Variants in IQCH observed in about 807,000 individuals in gnomAD.
IQCH encodes the protein IQ motif containing H, also known as IQ domain-containing protein H.
IQCH carries 98 observed loss-of-function variants against 117.0 expected under a neutral mutation model. The observed-to-expected ratio is 0.84, with a 90% CI of 0.71 to 0.99. The LOEUF (loss-of-function observed/expected upper bound fraction) is 0.99. IQCH is among the 50% of genes least tolerant of loss of function. The pLI, the probability that IQCH is intolerant of heterozygous loss-of-function variation, is 0.00. For synonymous variants in IQCH, 412 were observed against 448.2 expected, an observed-to-expected ratio of 0.92 and a Z score of 1.02; for missense variants, 1,102 against 1,243.8, an observed-to-expected ratio of 0.89 and a Z score of 1.72.
chr15:67,377,013 A>G (rs1970757844), intron 10 of IQCH, among the ~76,000 whole-genome samples: 1 of 151,524 alleles, frequency 6.6e-6, no homozygotes, highest in South Asian at 2.1e-4. Context: ...GCTACTCAGG[A>G]GGCTGAAGCA....
intron 4 of IQCH, among the ~76,000 whole-genome samples, chr15:67,336,304 A>G (rs1968889003): frequency 6.6e-6 from 1 of 152,160 alleles, no homozygotes; most frequent in Admixed American, 6.5e-5. Flanking sequence ...ATAAACTCCT[A>G]CGATAAAGGT....
At chr15:67,377,945 A>C (rs191296780) in intron 10 of IQCH, among the ~76,000 whole-genome samples, 157 of 152,244 alleles carry the variant, frequency 1.0e-3, no homozygotes, top group Non-Finnish European at 1.1e-3. Flanking sequence ...TTCTTTCCAT[A>C]AAAATTATGG....
chr15:67,368,536 A>G (rs1970413163), intron 8 of IQCH, among the ~76,000 whole-genome samples: 1 of 152,248 alleles, frequency 6.6e-6, no homozygotes, highest in African/African-American at 2.4e-5. Flanking sequence ...TAGAGCCATA[A>G]GGTGCAGAAA....
intron 4 of IQCH, among the ~76,000 whole-genome samples, chr15:67,309,984 T>G (rs1466213665): frequency 6.6e-6 from 1 of 151,460 alleles, no homozygotes. Context: ...CTAATAAGGT[T>G]CTTACCTTCC....
At chr15:67,272,908 A>G (rs894069568) in intron 3 of IQCH, among the ~76,000 whole-genome samples, 1 of 152,192 alleles carries the variant, frequency 6.6e-6, no homozygotes, top group Non-Finnish European at 1.5e-5. Context: ...AAATCCATTT[A>G]CATTCAGTCT....
chr15:67,478,887 G>A (rs1051085775), intron 18 of IQCH, among the ~76,000 whole-genome samples: 2 of 151,240 alleles, frequency 1.3e-5, no homozygotes, highest in African/African-American at 4.9e-5. Context: ...TTGCGCCACT[G>A]CACTCCAGCC....
rs773266631 is a variant in IQCH, at chr15:67,306,580, G to A, written c.387+27068G>A. 3.6e-4 allele frequency among the ~76,000 whole-genome samples: 55 copies of A among 152,174 alleles called. 1 individual carries two copies. Among genetic ancestry groups the A allele is most frequent in the Non-Finnish European group, 1.3e-4 (9 of 67,974 alleles). ...GAAGCTGGTATCTTCTCCATCTTAT[G>A]AAGTGGTGTATTCCTCCTGATAATA... On this transcript the variant is annotated intron_variant, in intron 4 of 20. Transcript: ENST00000335894.
chr15:67,263,367 G>T, intron 3 of IQCH, 151 bp downstream of exon 3: 3 of 595,112 alleles, frequency 5.0e-6, no homozygotes, highest in East Asian at 2.8e-5. Flanking sequence ...TGCATAAGAA[G>T]TTAATGGTAG....
intron 14 of IQCH, among the ~76,000 whole-genome samples, chr15:67,414,168 G>C (rs1301906172): frequency 6.6e-6 from 1 of 152,210 alleles, no homozygotes; most frequent in Non-Finnish European, 1.5e-5. Context: ...GGAACCCATT[G>C]AGAGGTTTCA....
In IQCH at chr15:67,486,438, G is replaced by GA. The variant is rs999338313; in HGVS notation, c.2800-3555dup. Among the ~76,000 whole-genome samples the GA allele has an allele frequency of 4.1e-3, 610 of 149,572 alleles. 4 individuals are homozygous for GA. Among genetic ancestry groups the GA allele is most frequent in the African/African-American group, 0.014 (567 of 40,858 alleles). ...CAACCAAGCATTCTATTCCTAGCAG[G>GA]AAAAAAAAAATCCAATAAATATCCC... On this transcript the variant is annotated intron_variant, in intron 18 of 20. Transcript: ENST00000335894.
chr15:67,291,806 G>T (rs1310706212), intron 4 of IQCH, among the ~76,000 whole-genome samples: 1 of 152,172 alleles, frequency 6.6e-6, no homozygotes, highest in Non-Finnish European at 1.5e-5. Flanking sequence ...GATCCACTGT[G>T]AGTTCTGCCC....
intron 18 of IQCH, among the ~76,000 whole-genome samples, chr15:67,485,789 G>A (rs2083458287): frequency 6.6e-6 from 1 of 152,088 alleles, no homozygotes; most frequent in Non-Finnish European, 1.5e-5. Flanking sequence ...TTCCTGAGTA[G>A]CTGGGACTAC....
rs544409978 is a variant in IQCH at position 67,366,470 on chromosome 15, C to T, written c.754-5641C>T. ...GTGTTTTTGTTCCATGAGAATGCAT[C>T]AAAGGATGGGGATTTTTCTCCTCAG... On this transcript the variant is annotated intron_variant, in intron 8 of 20. Transcript: ENST00000335894. This position sits in a 1 kb window ranked among gnomAD's most constrained non-coding sequence, Gnocchi z 4.4. Among the ~76,000 whole-genome samples, 87 of 152,250 alleles carry T rather than the reference C, an allele frequency of 5.7e-4. 1 individual carries two copies. The South Asian group carries it at 0.01, about 18-fold the overall frequency.
At chr15:67,281,667 T>C (rs2140479238) in intron 4 of IQCH, 1 of 454,096 alleles carries the variant, frequency 2.2e-6, no homozygotes, top group African/African-American at 2.0e-5. Context: ...GCAGCATTGG[T>C]GGAGATTCTC....
intron 4 of IQCH, among the ~76,000 whole-genome samples, chr15:67,329,769 A>C (rs1034573680): frequency 2.6e-5 from 4 of 152,040 alleles, no homozygotes; most frequent in African/African-American, 7.3e-5. Context: ...GCACCTAGCC[A>C]AATTCTGGCT....
At chr15:67,419,596 C>G (rs1389905859) in intron 15 of IQCH, among the ~76,000 whole-genome samples, 1 of 152,188 alleles carries the variant, frequency 6.6e-6, no homozygotes, top group Non-Finnish European at 1.5e-5. Flanking sequence ...CTCTATCACC[C>G]AGACTGGAGT....
intron 16 of IQCH, among the ~76,000 whole-genome samples, chr15:67,437,220 C>T (rs1215099396): frequency 6.6e-6 from 1 of 152,210 alleles, no homozygotes; most frequent in African/African-American, 2.4e-5. Context: ...ATATATGGTT[C>T]ACATCACAGG....
At position 67,494,871 on chromosome 15, in the gene IQCH, G is replaced by T. The variant is rs998825487; in HGVS notation, c.2970+505G>T. ...TACCCCACCCGTTTCTCCACCGTGG[G>T]TTGGATTATTTCACTACTAACCTTT... On this transcript the variant is annotated intron_variant, in intron 20 of 20. Transcript: ENST00000335894. This position sits in a 1 kb window ranked among gnomAD's most constrained non-coding sequence, Gnocchi z 5.5. Among the ~76,000 whole-genome samples, 1 of 152,158 alleles carries T rather than the reference G, an allele frequency of 6.6e-6. No individual in the cohort carries two copies. Among genetic ancestry groups the T allele is most frequent in the Non-Finnish European group, 1.5e-5 (1 of 68,034 alleles).
chr15:67,357,379 TC>T lies in IQCH; in HGVS notation c.674del (p.Pro225GlnfsTer4). Reference sequence around the variant, plus strand: ...CTATACCTCGGGAACCACCTCCATCTCCAGCAGAAGTGAAGTTCTTTCCCAA... The same window carrying T: ...CTATACCTCGGGAACCACCTCCATCTCAGCAGAAGTGAAGTTCTTTCCCAA... ...FTIPREPPPS[P>X]AEVKFFPKKQ... On this transcript the variant is annotated frameshift_variant, in exon 7 of 21. Transcript: ENST00000335894. LOFTEE classifies it high-confidence loss of function. 6.2e-7 allele frequency: 1 copy of T among 1,611,150 alleles called. No individual in the cohort carries two copies. The highest frequency in any genetic ancestry group is 8.5e-7 in the Non-Finnish European group (1 of 1,177,260).
Sources: allele counts gnomAD v4.1 joint callset (sites outside exome capture counted in the v4.1 genomes callset), GRCh38; gene constraint gnomAD v4.1.1; non-coding constraint Gnocchi (gnomAD v3.1); transcripts MANE v1.5; gene names NCBI Gene and HGNC (gene_info 2026-07-23, HGNC 2026-07-21).